The following PABPC4L variants were observed in gnomAD, a reference collection of about 807,000 sequenced individuals.
The protein encoded by PABPC4L is polyadenylate-binding protein 4-like.
For missense variants in PABPC4L, 452 were observed against 451.4 expected, an observed-to-expected ratio of 1.00 and a Z score of -0.01; for synonymous variants, 169 against 164.1, an observed-to-expected ratio of 1.03 and a Z score of -0.23.
At chr4:134,097,573 A>G in the PABPC4L span, among the ~76,000 whole-genome samples, 1 of 151,894 alleles carries the variant, frequency 6.6e-6, no homozygotes, top group Non-Finnish European at 1.5e-5. Flanking sequence ...ATGAATCTAG[A>G]ATGACTGTGC....
chr4:134,061,904 T>C, the PABPC4L span, among the ~76,000 whole-genome samples: 211 of 151,860 alleles, frequency 1.4e-3, 1 homozygote, highest in Admixed American at 0.012. Context: ...ACAGAAAATA[T>C]TATTAAAGAT....
the PABPC4L span, among the ~76,000 whole-genome samples, chr4:134,126,788 A>G: frequency 1.3e-5 from 2 of 152,238 alleles, no homozygotes; most frequent in South Asian, 2.1e-4. Context: ...GACTCTTTGG[A>G]GGAGGTAGAT....
At chr4:134,142,208 T>TA in the PABPC4L span, among the ~76,000 whole-genome samples, 1 of 151,660 alleles carries the variant, frequency 6.6e-6, no homozygotes. Flanking sequence ...ATCATTGATT[T>TA]AAAAAACACT....
the PABPC4L span, among the ~76,000 whole-genome samples, chr4:133,996,619 C>T: frequency 2.0e-5 from 3 of 152,130 alleles, no homozygotes; most frequent in Non-Finnish European, 2.9e-5. Context: ...TATTGCAATC[C>T]GTTGCAGCAT....
chr4:134,153,724 A>G, the PABPC4L span, among the ~76,000 whole-genome samples: 1 of 151,368 alleles, frequency 6.6e-6, no homozygotes, highest in Non-Finnish European at 1.5e-5. Flanking sequence ...GTTAGCTCAA[A>G]GCAGCCTTGA....
the PABPC4L span, among the ~76,000 whole-genome samples, chr4:134,117,584 G>C: frequency 1.3e-5 from 2 of 151,638 alleles, no homozygotes; most frequent in Non-Finnish European, 2.9e-5. Context: ...TTGTTGGTTT[G>C]AACTATTAAA....
the PABPC4L span, among the ~76,000 whole-genome samples, chr4:134,047,653 A>G: frequency 2.6e-5 from 4 of 152,122 alleles, no homozygotes; most frequent in African/African-American, 9.7e-5. Context: ...AAAGATCTCA[A>G]ACATAGCCCT....
chr4:134,144,978 C>T, the PABPC4L span, among the ~76,000 whole-genome samples: 1 of 151,682 alleles, frequency 6.6e-6, no homozygotes, highest in African/African-American at 2.4e-5. Flanking sequence ...TGCAAGGAGG[C>T]AGTCTGAAGT....
At chr4:134,099,687 T>G in the PABPC4L span, among the ~76,000 whole-genome samples, 1 of 151,686 alleles carries the variant, frequency 6.6e-6, no homozygotes, top group Non-Finnish European at 1.5e-5. Flanking sequence ...GGAAATAAGC[T>G]TGACATTCAA....
the PABPC4L span, among the ~76,000 whole-genome samples, chr4:134,033,574 A>G: frequency 6.6e-6 from 1 of 151,996 alleles, no homozygotes; most frequent in African/African-American, 2.4e-5. Flanking sequence ...TTAAAGTGCT[A>G]CTTTAGTGAA....
the PABPC4L span, among the ~76,000 whole-genome samples, chr4:134,062,010 A>T: frequency 6.6e-6 from 1 of 151,954 alleles, no homozygotes; most frequent in Non-Finnish European, 1.5e-5. Context: ...TGTAAATGCA[A>T]GCCAGAAAAC....
chr4:134,115,208 C>T, the PABPC4L span, among the ~76,000 whole-genome samples: 33 of 151,916 alleles, frequency 2.2e-4, 1 homozygote, highest in Middle Eastern at 0.01. Flanking sequence ...TGTATTTATT[C>T]ATTGTTTACT....
At chr4:134,183,434 C>A in the PABPC4L span, among the ~76,000 whole-genome samples, 2 of 151,104 alleles carry the variant, frequency 1.3e-5, no homozygotes, top group African/African-American at 4.9e-5. Flanking sequence ...AAGAAGGGAA[C>A]AACAGACACG....
chr4:133,971,590 T>C, the PABPC4L span, among the ~76,000 whole-genome samples: 5 of 152,156 alleles, frequency 3.3e-5, no homozygotes, highest in African/African-American at 1.2e-4. Flanking sequence ...ATAATATCAC[T>C]CAGCAACCAA....
At chr4:134,183,485 TAA>T in the PABPC4L span, among the ~76,000 whole-genome samples, 3,386 of 141,498 alleles carry the variant, frequency 0.024, 123 homozygotes, top group African/African-American at 0.082. Context: ...AGGAAGAGGG[TAA>T]AAAAAAAAAC....
At chr4:134,152,424 G>C in the PABPC4L span, among the ~76,000 whole-genome samples, 2 of 152,102 alleles carry the variant, frequency 1.3e-5, no homozygotes, top group African/African-American at 4.8e-5. Flanking sequence ...ATTTAAGGCA[G>C]TGGCCCCATT....
the PABPC4L span, among the ~76,000 whole-genome samples, chr4:134,071,995 C>T: frequency 2.0e-5 from 3 of 151,842 alleles, no homozygotes; most frequent in Non-Finnish European, 4.4e-5. Context: ...ATTTAGCATA[C>T]TGACAAAAGA....
the PABPC4L span, among the ~76,000 whole-genome samples, chr4:134,142,150 T>G: frequency 1.1e-3 from 171 of 151,782 alleles, 1 homozygote; most frequent in African/African-American, 3.8e-3. Flanking sequence ...AACTAAGTAG[T>G]CCCAAGTTTT....
At chr4:134,104,899 G>A in the PABPC4L span, among the ~76,000 whole-genome samples, 33 of 151,874 alleles carry the variant, frequency 2.2e-4, no homozygotes, top group South Asian at 6.2e-3. Flanking sequence ...ATGTAAATGG[G>A]AGACAGGCAT....
Sources: gnomAD v4.1 joint callset for allele counts (sites outside exome capture counted in the v4.1 genomes callset) on GRCh38, gnomAD v4.1.1 for gene constraint, MANE v1.5 for transcripts, NCBI Gene and HGNC (gene_info 2026-07-23, HGNC 2026-07-21) for gene names.